Variants in SLC7A14 observed in about 807,000 individuals in gnomAD.
SLC7A14 encodes solute carrier family 7 member 14, also known as gamma-aminobutyric acid transporter SLC7A14.
Under a neutral mutation model 60.2 loss-of-function variants are expected in SLC7A14, and 37 were observed. That is an observed-to-expected ratio of 0.61 (90% confidence interval 0.47 to 0.81). The LOEUF (loss-of-function observed/expected upper bound fraction) is 0.81, where lower values mean the gene tolerates loss of function less well. Among genes scored for constraint, SLC7A14 ranks in the 30% least tolerant of loss-of-function variants. SLC7A14 has a pLI of 0.00. For synonymous variants in SLC7A14, 399 were observed against 395.8 expected, an observed-to-expected ratio of 1.01 and a Z score of -0.10; for missense variants, 886 against 982.7, an observed-to-expected ratio of 0.90 and a Z score of 1.32.
intron 2 of SLC7A14, among the ~76,000 whole-genome samples, chr3:170,518,071 A>C (rs1416110011): frequency 1.3e-5 from 2 of 152,164 alleles, no homozygotes; most frequent in Admixed American, 1.3e-4. Flanking sequence ...GCACGGCACT[A>C]AATAGTTGTG....
chr3:170,496,335 T>A (rs1712392463), intron 4 of SLC7A14: 1 of 1,137,222 alleles, frequency 8.8e-7, no homozygotes, highest in Non-Finnish European at 1.3e-6. Flanking sequence ...TGACCTGCGG[T>A]GTACAAAGAC....
chr3:170,544,333 TAGACACACACACAC>T (rs1319687950), intron 1 of SLC7A14, among the ~76,000 whole-genome samples: 2 of 151,788 alleles, frequency 1.3e-5, no homozygotes, highest in Non-Finnish European at 2.9e-5. Context: ...AAAGGTAAAA[TAGACACACACACAC>T]AGACACACAC....
chr3:170,547,060 TG>T (rs557557108), intron 1 of SLC7A14, among the ~76,000 whole-genome samples: 1 of 152,310 alleles, frequency 6.6e-6, no homozygotes, highest in African/African-American at 2.4e-5. Context: ...GATTCTAATG[TG>T]CAGCCATGGC....
chr3:170,487,815 CAT>C (rs1712083059), intron 4 of SLC7A14, among the ~76,000 whole-genome samples: 3 of 152,288 alleles, frequency 2.0e-5, no homozygotes, highest in Admixed American at 2.0e-4. Context: ...TAAAGAATTG[CAT>C]ATGTTTTTCA....
chr3:170,510,322 G>T (rs1214804561), intron 2 of SLC7A14, among the ~76,000 whole-genome samples: 1 of 149,144 alleles, frequency 6.7e-6, no homozygotes, highest in Non-Finnish European at 1.5e-5. Context: ...CCTAGGAGGC[G>T]GAGGTTGCAG....
rs1258807190 is a variant in SLC7A14, at chr3:170,535,815, A to G, written c.-152-8727T>C. On this transcript the variant is annotated intron_variant, in intron 1 of 7. Coordinates refer to ENST00000231706, the MANE Select transcript of SLC7A14 (RefSeq NM_020949.3). The surrounding 1 kb of genome is among the most constrained non-coding windows in gnomAD (Gnocchi z 4.3). ...TCATTTCAGGCAGTGGGTAGTACTCATGTTTCTAGCCCTTGGAACTGCATT... is the reference window on the plus strand; with the variant it reads ...TCATTTCAGGCAGTGGGTAGTACTCGTGTTTCTAGCCCTTGGAACTGCATT... Among the ~76,000 whole-genome samples, 2 of 152,088 alleles carry G rather than the reference A, an allele frequency of 1.3e-5. No homozygotes were observed. Among genetic ancestry groups the G allele is most frequent in the Admixed American group, 6.5e-5 (1 of 15,272 alleles).
chr3:170,579,662 C>T (rs1166105376), intron 1 of SLC7A14, among the ~76,000 whole-genome samples: 1 of 152,156 alleles, frequency 6.6e-6, no homozygotes, highest in African/African-American at 2.4e-5. Context: ...TTCTGTAAAC[C>T]ATCAGACTGC....
intron 7 of SLC7A14, among the ~76,000 whole-genome samples, chr3:170,471,777 T>G (rs1349887079): frequency 6.6e-6 from 1 of 152,202 alleles, no homozygotes; most frequent in African/African-American, 2.4e-5. Context: ...AAACCAAGCC[T>G]CAAGAATAAG....
intron 7 of SLC7A14, among the ~76,000 whole-genome samples, chr3:170,473,337 A>T (rs183291858): frequency 6.6e-6 from 1 of 152,210 alleles, no homozygotes; most frequent in African/African-American, 2.4e-5. Flanking sequence ...CAATAACAGC[A>T]TATTTCCAAC....
chr3:170,467,587 A>G (rs1001390590), intron 7 of SLC7A14, among the ~76,000 whole-genome samples: 6 of 152,186 alleles, frequency 3.9e-5, no homozygotes, highest in African/African-American at 1.4e-4. Flanking sequence ...TAAGTAACCC[A>G]TATTTACAGA....
chr3:170,484,465 A>G (rs1221181257), intron 5 of SLC7A14, among the ~76,000 whole-genome samples: 2 of 152,178 alleles, frequency 1.3e-5, no homozygotes, highest in Non-Finnish European at 1.5e-5. Flanking sequence ...TCTGCCTAAC[A>G]TCCCTGCCTT....
chr3:170,555,178 T>A (rs115474151), intron 1 of SLC7A14, among the ~76,000 whole-genome samples: 17,823 of 140,944 alleles, frequency 0.13, 1,620 homozygotes, highest in African/African-American at 0.25. Context: ...AAAAAAAATA[T>A]ATATATATAT....
chr3:170,564,124 G>A (rs766177602), intron 1 of SLC7A14, among the ~76,000 whole-genome samples: 18 of 152,198 alleles, frequency 1.2e-4, no homozygotes, highest in African/African-American at 2.7e-4. Context: ...CTCCAGTGTC[G>A]TCAGAGAGTG....
intron 7 of SLC7A14, among the ~76,000 whole-genome samples, chr3:170,477,400 C>T (rs181529186): frequency 3.9e-5 from 6 of 152,348 alleles, no homozygotes; most frequent in Admixed American, 2.0e-4. Context: ...TCTGGCCCCA[C>T]ACTCCCTGAG....
intron 2 of SLC7A14, among the ~76,000 whole-genome samples, chr3:170,518,863 G>C (rs1050285366): frequency 2.6e-5 from 4 of 152,174 alleles, no homozygotes; most frequent in Non-Finnish European, 5.9e-5. Context: ...GTGCCAAGAA[G>C]AAGAGAGGGT....
At chr3:170,496,025 G>T in intron 4 of SLC7A14, 1 of 1,180,930 alleles carries the variant, frequency 8.5e-7, no homozygotes. Context: ...TCATCAAGAA[G>T]GACATGGATG....
At chr3:170,576,524 G>A (rs1418065000) in intron 1 of SLC7A14, among the ~76,000 whole-genome samples, 1 of 152,126 alleles carries the variant, frequency 6.6e-6, no homozygotes, top group Admixed American at 6.5e-5. Context: ...TGACCCCATT[G>A]TTTTACTTAT....
chr3:170,486,197 G>A, intron 5 of SLC7A14, 25 bp downstream of exon 5: 1 of 1,612,738 alleles, frequency 6.2e-7, no homozygotes, highest in South Asian at 1.1e-5. Context: ...TCGTGAGGAG[G>A]GTCCCGCAAG....
intron 2 of SLC7A14, among the ~76,000 whole-genome samples, chr3:170,507,928 G>A (rs1271396266): frequency 6.6e-6 from 1 of 152,130 alleles, no homozygotes; most frequent in African/African-American, 2.4e-5. Flanking sequence ...ACTGAGCATG[G>A]GAATGGGAAG....
Sources: allele counts gnomAD v4.1 joint callset (sites outside exome capture counted in the v4.1 genomes callset), GRCh38; gene constraint gnomAD v4.1.1; non-coding constraint Gnocchi (gnomAD v3.1); transcripts MANE v1.5; gene names NCBI Gene and HGNC (gene_info 2026-07-23, HGNC 2026-07-21).